The following PAX4 variants were observed in gnomAD, a reference collection of about 807,000 sequenced individuals.
PAX4 encodes the protein paired box protein Pax-4.
In PAX4, 33 loss-of-function variants were observed where a neutral mutation model predicts 40.6. That is an observed-to-expected ratio of 0.81 (90% CI 0.62 to 1.09). PAX4 has a LOEUF of 1.09. PAX4 is among the 50% of genes least tolerant of loss of function. The pLI is 0.00. For missense variants in PAX4, 459 were observed against 442.5 expected, an observed-to-expected ratio of 1.04 and a Z score of -0.33; for synonymous variants, 174 against 170.6, an observed-to-expected ratio of 1.02 and a Z score of -0.16.
chr7:127,613,796 C>A lies in PAX4; in HGVS notation c.522G>T (p.Arg174=). ...GTHPGTGHRN[R]TIFSPSQAEA... ...CTGCTTGGCTTGGGGAGAAGATAGTCCGATTCCGGTGGCCGGTCCCTGGGT... is the reference window on the plus strand; with the variant it reads ...CTGCTTGGCTTGGGGAGAAGATAGTACGATTCCGGTGGCCGGTCCCTGGGT... The change falls in exon 7 of 12, where the codon CGG becomes CGT. Residue 174 remains arginine, a synonymous_variant. Transcript: ENST00000639438. 1 of 1,614,062 alleles carries A rather than the reference C, an allele frequency of 6.2e-7. No individual in the cohort carries two copies. Among genetic ancestry groups the A allele is most frequent in the Non-Finnish European group, 8.5e-7 (1 of 1,180,020 alleles).
chr7:127,613,632 C>A, intron 7 of PAX4, 100 bp from the exon 8 acceptor site: 1 of 1,574,954 alleles, frequency 6.3e-7, no homozygotes, highest in Non-Finnish European at 8.7e-7. Context: ...CCCCAAACTA[C>A]CTTCCTCCTC....
At chr7:127,613,312 T>A in intron 8 of PAX4, 138 bp downstream of exon 8, 1 of 896,950 alleles carries the variant, frequency 1.1e-6, no homozygotes, top group East Asian at 2.5e-5. Flanking sequence ...ACAAGGAGGA[T>A]CTCATCTCTG....
Position 127,610,592 on chromosome 7 carries a change from CATA to C in PAX4, c.*469_*471del. 1 of 494,956 alleles carries C rather than the reference CATA, an allele frequency of 2.0e-6. No homozygotes were observed. 30.7% of individuals were successfully genotyped at this position (494,956 alleles called of 1,614,324 possible). A position where few individuals can be genotyped will look rare whatever the true frequency, so the allele number is the denominator to read the frequency against. On this transcript the variant is annotated 3_prime_UTR_variant, in exon 12 of 12. Coordinates refer to ENST00000639438, the MANE Select transcript of PAX4 (RefSeq NM_001366110.1). ...GTGTGCGCGCACGCATGCACGCATA[CATA>C]ATACACATATAGATGCATACATAGA...
rs1794720754 is a variant in PAX4 at position 127,616,151 on chromosome 7, C to A, written c.-99-124G>T. ...GTGGGTTGGCTAAAATCAGAAAATT[C>A]TAATTCCTTTTATTTAAACCTTTGT... On this transcript the variant is annotated intron_variant, in intron 2 of 11. Transcript: ENST00000639438. The A allele has an allele frequency of 6.9e-6, 4 of 577,466 alleles. No individual in the cohort carries two copies. The East Asian group carries it at 1.1e-4, about 16-fold the overall frequency. The allele number at this position is 577,466 out of a possible 1,614,324, so 35.8% of individuals were successfully genotyped here. A position where few individuals can be genotyped will look rare whatever the true frequency, so the allele number is the denominator to read the frequency against.
chr7:127,612,401 G>A (rs781128899), intron 9 of PAX4, among the ~76,000 whole-genome samples: 11 of 151,786 alleles, frequency 7.2e-5, no homozygotes, highest in East Asian at 2.0e-4. Flanking sequence ...ATGCATGGGC[G>A]GATGCATGGG....
intron 5 of PAX4, 48 bp from the exon 6 acceptor site, chr7:127,614,605 G>A (rs1389981803): frequency 6.8e-7 from 1 of 1,462,310 alleles, no homozygotes; most frequent in Non-Finnish European, 9.4e-7. Flanking sequence ...CAGACTCAGG[G>A]CTATACCCTG....
chr7:127,613,654 ACTCACACCTGCAC>A, intron 7 of PAX4, 89 bp downstream of exon 7: 1 of 1,502,526 alleles, frequency 6.7e-7, no homozygotes, highest in Non-Finnish European at 9.0e-7. Context: ...AGGCAGGGCC[ACTCACACCTGCAC>A]CTCTCAGCCT....
Position 127,610,948 on chromosome 7 carries a change from G to A in PAX4, c.*116C>T, listed in dbSNP as rs1312161987. On this transcript the variant is annotated 3_prime_UTR_variant, in exon 12 of 12. Coordinates refer to ENST00000639438, the MANE Select transcript of PAX4 (RefSeq NM_001366110.1). ...GGCAGGGCCAGGCAACGTCCACACA[G>A]GAGGGAGCAATCACAGGAAGGAGGA... The A allele has an allele frequency of 6.5e-7, 1 of 1,550,298 alleles. No homozygotes were observed. The highest frequency in any genetic ancestry group is 1.2e-5 in the South Asian group (1 of 84,074).
rs375391009 is a variant in PAX4, at chr7:127,615,418, T to C, written c.127A>G (p.Ile43Val). 6.2e-7 allele frequency: 1 copy of C among 1,614,038 alleles called. No individual in the cohort carries two copies. The highest frequency in any genetic ancestry group is 1.3e-5 in the African/African-American group (1 of 74,910). ...CCCATTACCTTAAGGATCCGTGAGA[T>C]GTCACAGGGCCGCATTCCACTGACT... ...LAVSGMRPCD[I>V]SRILKVSNGC... Residue 43 changes from isoleucine to valine, a missense_variant, in exon 4 of 12, where the codon ATC becomes GTC. Transcript: ENST00000639438.
intron 2 of PAX4, 129 bp from the exon 3 acceptor site, chr7:127,616,156 T>A (rs1387484600): frequency 7.0e-6 from 4 of 573,556 alleles, no homozygotes; most frequent in African/African-American, 1.9e-5. Flanking sequence ...AAATTCTAAT[T>A]CCTTTTATTT....
At chr7:127,617,697 A>G (rs1034794162) in intron 1 of PAX4, among the ~76,000 whole-genome samples, 1 of 152,206 alleles carries the variant, frequency 6.6e-6, no homozygotes, top group African/African-American at 2.4e-5. Context: ...CCAAACCTAA[A>G]TAATCTCCAA....
chr7:127,615,176 T>C (rs777227114), intron 4 of PAX4, 81 bp from the exon 5 acceptor site: 15 of 1,609,392 alleles, frequency 9.3e-6, no homozygotes, highest in Non-Finnish European at 1.2e-5. Flanking sequence ...GAGGAGGCTA[T>C]AAGACAAAGC....
In PAX4 at chr7:127,615,046, C is replaced by T. The variant is rs145468905; in HGVS notation, c.194G>A (p.Gly65Asp). The change falls in exon 5 of 12, where the codon GGT becomes GAT. Residue 65 changes from glycine to aspartate, a missense_variant. Gly to Asp is a moderately conservative substitution (Grantham distance 94). Coordinates refer to ENST00000639438, the MANE Select transcript of PAX4 (RefSeq NM_001366110.1). Reference protein sequence around the residue: ...SKILGRYYRTGVLEPKGIGGS... With the variant: ...SKILGRYYRTDVLEPKGIGGS... Reference sequence around the variant, plus strand: ...CCCAATGCCCTTTGGCTCCAAGACACCTGTGCGGTAGTAACGCCCTAGGAT... The same window carrying T: ...CCCAATGCCCTTTGGCTCCAAGACATCTGTGCGGTAGTAACGCCCTAGGAT... The T allele has an allele frequency of 1.9e-6, 3 of 1,614,100 alleles. No individual in the cohort carries two copies. The highest frequency in any genetic ancestry group is 2.7e-5 in the African/African-American group (2 of 74,936).
intron 4 of PAX4, 55 bp downstream of exon 4, chr7:127,615,346 G>A: frequency 1.2e-6 from 2 of 1,613,664 alleles, no homozygotes; most frequent in Admixed American, 1.7e-5. Context: ...CTTCAGAGGA[G>A]CCCTTTCTCC....
rs1256420628 is a variant in PAX4 at position 127,614,909 on chromosome 7, C to G, written c.331G>C (p.Gly111Arg). 6.2e-7 allele frequency: 1 copy of G among 1,614,140 alleles called. No individual in the cohort carries two copies. The highest frequency in any genetic ancestry group is 1.7e-5 in the Admixed American group (1 of 60,026). The stretch of plus-strand genomic sequence containing the variant: ...GGAGTCTTGTCCTGGGTGCAAAGCC[C>G]TTCAGCACAAAGCTGGCGTTGGATT... Reference protein sequence around the residue: ...WEIQRQLCAEGLCTQDKTPSV... With the variant: ...WEIQRQLCAERLCTQDKTPSV... The change falls in exon 5 of 12, where the codon GGG (glycine) becomes CGG (arginine). Residue 111 changes from glycine to arginine, a missense_variant. Physicochemically the swap from Gly to Arg is moderately radical, Grantham distance 125. Coordinates refer to ENST00000639438, the MANE Select transcript of PAX4 (RefSeq NM_001366110.1).
intron 9 of PAX4, among the ~76,000 whole-genome samples, chr7:127,612,690 A>AATGG (rs1358723442): frequency 9.5e-5 from 13 of 137,096 alleles, no homozygotes; most frequent in African/African-American, 3.3e-4. Context: ...TGCCTGGATG[A>AATGG]ATGGATGGAT....
At chr7:127,612,356 T>A (rs921869681) in intron 9 of PAX4, among the ~76,000 whole-genome samples, 1 of 151,932 alleles carries the variant, frequency 6.6e-6, no homozygotes, top group East Asian at 1.9e-4. Context: ...GATGGATGGA[T>A]GGATGGATGC....
rs1425123814 is a variant in PAX4, at chr7:127,610,776, G to A, written c.*288C>T. ...TAGAGTGGGCATAGGGGTGCTCATAGGGAAAACATGATGGACAACAGAACT... is the reference window on the plus strand; with the variant it reads ...TAGAGTGGGCATAGGGGTGCTCATAAGGAAAACATGATGGACAACAGAACT... On this transcript the variant is annotated 3_prime_UTR_variant, in exon 12 of 12. Coordinates refer to ENST00000639438, the MANE Select transcript of PAX4 (RefSeq NM_001366110.1). The A allele has an allele frequency of 6.0e-6, 7 of 1,172,058 alleles. No homozygotes were observed. In the African/African-American group the frequency reaches 1.1e-4, roughly 18 times the overall value. The allele number at this position is 1,172,058 out of a possible 1,614,324, so 72.6% of individuals were successfully genotyped here.
In PAX4 at chr7:127,613,893, G is replaced by T. The variant is rs367787870; in HGVS notation, c.437-12C>A. 2 of 1,613,978 alleles carry T rather than the reference G, an allele frequency of 1.2e-6. No homozygotes were observed. Among genetic ancestry groups the T allele is most frequent in the Non-Finnish European group, 1.7e-6 (2 of 1,179,992 alleles). Reference sequence around the variant, plus strand: ...TGGAGCCAAAACAGCTGAAAAGGAAGATAACAGTTTGTGGTGGTTTGTGAT... The same window carrying T: ...TGGAGCCAAAACAGCTGAAAAGGAATATAACAGTTTGTGGTGGTTTGTGAT... On this transcript the variant is annotated splice_polypyrimidine_tract_variant and intron_variant, in intron 6 of 11. Coordinates refer to ENST00000639438, the MANE Select transcript of PAX4 (RefSeq NM_001366110.1).
Sources: gnomAD v4.1 joint callset for allele counts (sites outside exome capture counted in the v4.1 genomes callset) on GRCh38, gnomAD v4.1.1 for gene constraint, MANE v1.5 for transcripts, NCBI Gene and HGNC (gene_info 2026-07-23, HGNC 2026-07-21) for gene names.